ELFN1: variants seen among roughly 807,000 people sequenced by gnomAD.
ELFN1 encodes the protein protein ELFN1.
Under a neutral mutation model 7.6 loss-of-function variants are expected in ELFN1, and 6 were observed. The observed-to-expected ratio is 0.79, with a 90% CI of 0.43 to 1.56. ELFN1 has a LOEUF of 1.56. ELFN1 is among the 40% of genes most tolerant of loss of function. ELFN1 has a pLI of 0.01. For missense variants in ELFN1, 1,169 were observed against 1,232.2 expected (o/e 0.95, Z 0.77); for synonymous variants, 657 against 588.1 (o/e 1.12, Z -1.70).
intron 3 of ELFN1, among the ~76,000 whole-genome samples, chr7:1,719,315 GACCCAA>G (rs1345106273): frequency 6.1e-4 from 72 of 118,526 alleles, no homozygotes; most frequent in Middle Eastern, 4.7e-3. Flanking sequence ...CCACCAACAG[GACCCAA>G]GCCACCAACA....
intron 3 of ELFN1, among the ~76,000 whole-genome samples, chr7:1,724,181 C>G (rs534352950): frequency 6.6e-6 from 1 of 152,362 alleles, no homozygotes; most frequent in South Asian, 2.1e-4. Flanking sequence ...TGCAGAGTTT[C>G]TAGCACAGTG....
At position 1,673,218 on chromosome 7, in the gene ELFN1, G is replaced by T. The variant is rs1027840528; in HGVS notation, c.-549+2864G>T. The stretch of plus-strand genomic sequence containing the variant: ...TGGAGCCACTGCAGTGGACGATGGC[G>T]CCATCCATTCCAGCACCAGCTGTAC... On this transcript the variant is annotated intron_variant, in intron 1 of 3. Coordinates refer to ENST00000424383, the MANE Select transcript of ELFN1 (RefSeq NM_001128636.4). This position sits in a 1 kb window ranked among gnomAD's most constrained non-coding sequence, Gnocchi z 4.7. Among the ~76,000 whole-genome samples the T allele has an allele frequency of 3.3e-5, 5 of 152,160 alleles. No individual in the cohort carries two copies. Among genetic ancestry groups the T allele is most frequent in the African/African-American group, 1.2e-4 (5 of 41,440 alleles).
chr7:1,685,534 T>A (rs961185195), intron 1 of ELFN1, among the ~76,000 whole-genome samples: 1 of 152,190 alleles, frequency 6.6e-6, no homozygotes, highest in Non-Finnish European at 1.5e-5. Flanking sequence ...ATTGAATACT[T>A]CTATTGATTG....
chr7:1,698,461 T>C (rs1028051243), intron 2 of ELFN1, among the ~76,000 whole-genome samples: 1 of 152,146 alleles, frequency 6.6e-6, no homozygotes, highest in South Asian at 2.1e-4. Flanking sequence ...CTGGCCACCG[T>C]TGGCAGCCGC....
At chr7:1,671,093 C>T (rs914540170) in intron 1 of ELFN1, among the ~76,000 whole-genome samples, 2 of 152,022 alleles carry the variant, frequency 1.3e-5, no homozygotes, top group African/African-American at 4.8e-5. Flanking sequence ...GCCCCCATTT[C>T]CATCCTTTGA....
Position 1,746,426 on chromosome 7 carries a change from C to A in ELFN1, c.1830C>A (p.Gly610=). ...LLSEPLAAKH[G]FLAPGYKDAF... ...CCGAGCCGCTGGCCGCCAAGCACGG[C>A]TTCCTGGCGCCCGGGTACAAGGACG... Residue 610 remains glycine, a synonymous_variant, in exon 4 of 4, where the codon GGC becomes GGA. Transcript: ENST00000424383. 1 of 1,532,430 alleles carries A rather than the reference C, an allele frequency of 6.5e-7. No individual in the cohort carries two copies. The highest frequency in any genetic ancestry group is 8.8e-7 in the Non-Finnish European group (1 of 1,141,966). 94.9% of individuals were successfully genotyped at this position (1,532,430 alleles called of 1,614,324 possible). A position where few individuals can be genotyped will look rare whatever the true frequency, so the allele number is the denominator to read the frequency against.
upstream of ELFN1, among the ~76,000 whole-genome samples, chr7:1,666,399 G>T (rs1408432194): frequency 6.6e-6 from 1 of 151,938 alleles, no homozygotes; most frequent in Non-Finnish European, 1.5e-5. This position sits in a 1 kb window ranked among gnomAD's most constrained non-coding sequence, Gnocchi z 7.9. Context: ...CCCCGCCCGC[G>T]GGGCTCTGGA....
chr7:1,675,498 T>C (rs539159988), intron 1 of ELFN1, among the ~76,000 whole-genome samples: 8 of 152,354 alleles, frequency 5.3e-5, no homozygotes, highest in Non-Finnish European at 1.2e-4. Context: ...AGTCTTATTT[T>C]CAGCAGGATC....
At chr7:1,686,374 G>A (rs978140439) in intron 1 of ELFN1, among the ~76,000 whole-genome samples, 2 of 144,312 alleles carry the variant, frequency 1.4e-5, no homozygotes, top group Non-Finnish European at 3.0e-5. Context: ...GTACAGTGGT[G>A]TGATCATAGC....
intron 1 of ELFN1, among the ~76,000 whole-genome samples, chr7:1,682,121 C>T (rs1778984946): frequency 6.6e-6 from 1 of 151,970 alleles, no homozygotes; most frequent in South Asian, 2.1e-4. Context: ...TTATAAAGTC[C>T]AATTTATCAT....
intron 1 of ELFN1, among the ~76,000 whole-genome samples, chr7:1,674,692 G>A (rs1195655634): frequency 1.3e-5 from 2 of 152,080 alleles, no homozygotes; most frequent in African/African-American, 2.4e-5. Flanking sequence ...GGACAGACTC[G>A]GGCAGCCACA....
intron 3 of ELFN1, among the ~76,000 whole-genome samples, chr7:1,727,844 G>A (rs1780238004): frequency 6.6e-6 from 1 of 152,112 alleles, no homozygotes; most frequent in African/African-American, 2.4e-5. Context: ...CTGGATTCAA[G>A]CAATCCTCCC....
chr7:1,707,002 G>A (rs1779545664), intron 2 of ELFN1, among the ~76,000 whole-genome samples: 1 of 152,220 alleles, frequency 6.6e-6, no homozygotes, highest in Non-Finnish European at 1.5e-5. Flanking sequence ...GTGTACACAT[G>A]TGCAACACAC....
At chr7:1,702,384 C>T (rs1779446926) in intron 2 of ELFN1, among the ~76,000 whole-genome samples, 1 of 151,748 alleles carries the variant, frequency 6.6e-6, no homozygotes, top group African/African-American at 2.4e-5. Context: ...GATTACACCA[C>T]TGCACTCCAT....
chr7:1,670,212 C>G (rs1365203026), upstream of ELFN1, among the ~76,000 whole-genome samples: 1 of 151,232 alleles, frequency 6.6e-6, no homozygotes, highest in South Asian at 2.1e-4. The surrounding 1 kb of genome is among the most constrained non-coding windows in gnomAD (Gnocchi z 6.4). Context: ...GAATTCCCCC[C>G]CGGCCGCGCG....
In ELFN1 at chr7:1,744,891, A is replaced by G; in HGVS notation, c.295A>G (p.Ile99Val). 1.3e-6 allele frequency: 2 copies of G among 1,561,362 alleles called. No individual in the cohort carries two copies. The highest frequency in any genetic ancestry group is 1.9e-5 in the Admixed American group (1 of 52,024). Reference sequence around the variant, plus strand: ...CCTCACCAAGAACGAGATCGGCTACATCGAGGACGGCGCCTTCTCGGGCCA... The same window carrying G: ...CCTCACCAAGAACGAGATCGGCTACGTCGAGGACGGCGCCTTCTCGGGCCA... ...LNLTKNEIGY[I>V]EDGAFSGQFN... The change falls in exon 4 of 4, where the codon ATC (isoleucine) becomes GTC (valine). Residue 99 changes from isoleucine (I) to valine (V), a missense_variant. Physicochemically the swap from Ile to Val is conservative, Grantham distance 29. Around this residue, in one of 2 missense-constraint regions of ELFN1, gnomAD observed 255 missense variants for 359.6 expected, o/e 0.71. Transcript: ENST00000424383.
chr7:1,676,140 C>T (rs1778865293), intron 1 of ELFN1, among the ~76,000 whole-genome samples: 1 of 152,204 alleles, frequency 6.6e-6, no homozygotes, highest in Admixed American at 6.5e-5. Flanking sequence ...CAAGTGCCTA[C>T]CTCTGCCTAA....
At chr7:1,675,502 C>G (rs1778851820) in intron 1 of ELFN1, among the ~76,000 whole-genome samples, 1 of 152,234 alleles carries the variant, frequency 6.6e-6, no homozygotes, top group African/African-American at 2.4e-5. Context: ...TTATTTTCAG[C>G]AGGATCAAAC....
chr7:1,692,466 G>A (rs993985779), intron 2 of ELFN1: 6 of 152,422 alleles, frequency 3.9e-5, no homozygotes, highest in African/African-American at 1.4e-4. Flanking sequence ...AGTGGGGCTG[G>A]GAGCTTAGGG....
Sources: allele counts gnomAD v4.1 joint callset (sites outside exome capture counted in the v4.1 genomes callset), GRCh38; gene constraint gnomAD v4.1.1; regional missense constraint gnomAD v4.1.1; non-coding constraint Gnocchi (gnomAD v3.1); transcripts MANE v1.5; gene names NCBI Gene and HGNC (gene_info 2026-07-23, HGNC 2026-07-21).